Variants in DRC3 observed in about 807,000 individuals in gnomAD.
The protein encoded by DRC3 is leucine rich repeat containing 48.
In DRC3, 45 loss-of-function variants were observed where a neutral mutation model predicts 57.6. The ratio of observed to expected loss-of-function variants is 0.78; its 90% CI spans 0.62 to 1.00. The LOEUF is 1.00. Among genes scored for constraint, DRC3 ranks in the 50% least tolerant of loss-of-function variants. The pLI is 0.00. For missense variants in DRC3, 655 were observed against 675.2 expected, an observed-to-expected ratio of 0.97 and a Z score of 0.33; for synonymous variants, 257 against 272.3, an observed-to-expected ratio of 0.94 and a Z score of 0.55.
chr17:17,994,446 C>T (rs76855239), intron 7 of DRC3, 28 bp downstream of exon 7: 64,297 of 1,548,494 alleles, frequency 0.042, 1,376 homozygotes, highest in African/African-American at 0.05. Flanking sequence ...TGCACGCCCT[C>T]GGCCCCCTCA....
intron 12 of DRC3, chr17:18,011,244 G>A (rs556410575): frequency 6.6e-5 from 17 of 258,258 alleles, no homozygotes; most frequent in East Asian, 4.6e-4. Context: ...GGCGTGAGCC[G>A]CCACGCCAGG....
At chr17:17,995,416 A>G (rs746238738) in intron 8 of DRC3, among the ~76,000 whole-genome samples, 3 of 152,228 alleles carry the variant, frequency 2.0e-5, no homozygotes, top group South Asian at 4.1e-4. Flanking sequence ...CTCATTAGCC[A>G]TACTCACTTG....
chr17:18,007,568 C>T, intron 12 of DRC3: 1 of 1,489,696 alleles, frequency 6.7e-7, no homozygotes, highest in Non-Finnish European at 9.0e-7. Flanking sequence ...CTGCACAATG[C>T]CATCCGGTTT....
chr17:17,977,281 A>C (rs2042431314), intron 2 of DRC3: 1 of 345,856 alleles, frequency 2.9e-6, no homozygotes, highest in Non-Finnish European at 5.4e-6. Flanking sequence ...AGATGAGTCA[A>C]GATCACAGGC....
chr17:17,985,447 C>T (rs948527549), intron 4 of DRC3, among the ~76,000 whole-genome samples: 1 of 152,218 alleles, frequency 6.6e-6, no homozygotes, highest in African/African-American at 2.4e-5. Context: ...AGCCATGGCA[C>T]TAGGTGCCCA....
intron 8 of DRC3, among the ~76,000 whole-genome samples, chr17:17,996,580 C>A (rs2043467648): frequency 6.6e-6 from 1 of 152,242 alleles, no homozygotes; most frequent in South Asian, 2.1e-4. Context: ...ATGGGAGTTA[C>A]AATTCAAGAT....
chr17:17,987,924 C>T lies in DRC3; in HGVS notation c.278-8C>T. On this transcript the variant is annotated splice_polypyrimidine_tract_variant and splice_region_variant and intron_variant, in intron 4 of 13. Coordinates refer to ENST00000399187, the MANE Select transcript of DRC3 (RefSeq NM_031294.4). ...CAGCAGACCCTCACAGCCCTCTCTT[C>T]TTCCCAGATCTGTCTTTCAACAACA... The T allele has an allele frequency of 1.2e-6, 2 of 1,613,366 alleles. No homozygotes were observed. Among genetic ancestry groups the T allele is most frequent in the Non-Finnish European group, 1.7e-6 (2 of 1,179,514 alleles).
At chr17:17,984,560 G>A (rs992187901) in intron 4 of DRC3, among the ~76,000 whole-genome samples, 1 of 152,190 alleles carries the variant, frequency 6.6e-6, no homozygotes, top group Non-Finnish European at 1.5e-5. Context: ...GTCCCTAGCA[G>A]GGAGAAGGTG....
chr17:17,990,002 C>A (rs772709214), intron 5 of DRC3, among the ~76,000 whole-genome samples: 7 of 152,208 alleles, frequency 4.6e-5, no homozygotes, highest in Admixed American at 3.9e-4. Flanking sequence ...GCTTCAAGGA[C>A]GTGAGTTCCT....
intron 6 of DRC3, 74 bp from the exon 7 acceptor site, chr17:17,994,225 C>T: frequency 6.5e-7 from 1 of 1,532,306 alleles, no homozygotes. Flanking sequence ...TGCAGCATGG[C>T]AGAGGCGGCA....
At chr17:18,015,486 T>G (rs1027354556) in intron 12 of DRC3, 3 of 152,818 alleles carry the variant, frequency 2.0e-5, no homozygotes, top group Non-Finnish European at 4.4e-5. Flanking sequence ...AGAAGGTGGT[T>G]GTTTCTAACA....
intron 9 of DRC3, among the ~76,000 whole-genome samples, chr17:18,000,240 T>C (rs1389916331): frequency 6.9e-6 from 1 of 145,838 alleles, no homozygotes; most frequent in East Asian, 2.0e-4. Context: ...TACTTTGCTT[T>C]CACGTGAGTG....
At position 18,006,220 on chromosome 17, in the gene DRC3, T is replaced by C. The variant is rs777401010; in HGVS notation, c.1169T>C (p.Met390Thr). Residue 390 changes from methionine (M) to threonine (T), a missense_variant, in exon 11 of 14, where the codon ATG becomes ACG. By Grantham distance (81) the Met-to-Thr change is moderately conservative (BLOSUM62 -1). Coordinates refer to ENST00000399187, the MANE Select transcript of DRC3 (RefSeq NM_031294.4). Reference protein sequence around the residue: ...INMFERNIVDMVGLFIENVQS... With the variant: ...INMFERNIVDTVGLFIENVQS... Reference sequence around the variant, plus strand: ...ATGTTTGAAAGGAACATTGTTGACATGGTAGGACTGTTTATCGAAAATGTC... The same window carrying C: ...ATGTTTGAAAGGAACATTGTTGACACGGTAGGACTGTTTATCGAAAATGTC... 6.2e-6 allele frequency: 10 copies of C among 1,612,582 alleles called. No homozygotes were observed. Among genetic ancestry groups the C allele is most frequent in the East Asian group, 4.5e-5 (2 of 44,884 alleles).
At chr17:17,979,436 G>A (rs1376236144) in intron 3 of DRC3, among the ~76,000 whole-genome samples, 3 of 152,216 alleles carry the variant, frequency 2.0e-5, no homozygotes, top group Non-Finnish European at 4.4e-5. Context: ...CTAGTAAGAT[G>A]GCCACTGCTG....
At chr17:17,986,431 T>A (rs2042960314) in intron 4 of DRC3, among the ~76,000 whole-genome samples, 1 of 151,828 alleles carries the variant, frequency 6.6e-6, no homozygotes, top group South Asian at 2.1e-4. Context: ...GAGGAGGCTA[T>A]ATTAAGATGT....
At chr17:17,987,855 GC>G (rs2043033727) in intron 4 of DRC3, 76 bp from the exon 5 acceptor site, 1 of 1,492,594 alleles carries the variant, frequency 6.7e-7, no homozygotes, top group African/African-American at 1.4e-5. Context: ...GCACTCAGTA[GC>G]CCTGATGGTT....
At chr17:18,004,223 C>G in intron 9 of DRC3, 140 bp from the exon 10 acceptor site, 1 of 888,776 alleles carries the variant, frequency 1.1e-6, no homozygotes, top group Non-Finnish European at 1.7e-6. Flanking sequence ...GCTTTCAGAG[C>G]CAGCAAATGG....
intron 8 of DRC3, 121 bp downstream of exon 8, chr17:17,995,232 T>G: frequency 1.5e-6 from 1 of 682,672 alleles, no homozygotes; most frequent in Middle Eastern, 2.5e-4. Context: ...AGGTAAAATC[T>G]CCACTTGAGA....
At chr17:18,010,319 T>C (rs1027160007) in intron 12 of DRC3, among the ~76,000 whole-genome samples, 2 of 152,136 alleles carry the variant, frequency 1.3e-5, no homozygotes, top group Non-Finnish European at 2.9e-5. Context: ...GGGCAGCAAG[T>C]CCTCAAGCCA....
Sources: allele counts gnomAD v4.1 joint callset (sites outside exome capture counted in the v4.1 genomes callset), GRCh38; gene constraint gnomAD v4.1.1; transcripts MANE v1.5; gene names NCBI Gene and HGNC (gene_info 2026-07-23, HGNC 2026-07-21).